The following TECR variants were observed in gnomAD, a reference collection of about 807,000 sequenced individuals.
TECR encodes very-long-chain enoyl-CoA reductase.
TECR carries 19 observed loss-of-function variants against 50.6 expected under a neutral mutation model. That is an observed-to-expected ratio of 0.38 (90% confidence interval 0.26 to 0.55). The LOEUF is 0.55. Ranked by LOEUF, TECR falls within the 20% of genes least tolerant of loss-of-function variation. TECR has a pLI of 0.79. For missense variants in TECR, 313 were observed against 408.3 expected (o/e 0.77, Z 2.01); for synonymous variants, 168 against 163.5 (o/e 1.03, Z -0.21).
At chr19:14,539,570 A>T (rs1049010203) in intron 1 of TECR, among the ~76,000 whole-genome samples, 1 of 151,968 alleles carries the variant, frequency 6.6e-6, no homozygotes, top group Non-Finnish European at 1.5e-5. Flanking sequence ...TTAGTGTGCC[A>T]TGGCTCAGAA....
intron 1 of TECR, among the ~76,000 whole-genome samples, chr19:14,538,536 C>CTT (rs5827232): frequency 7.3e-6 from 1 of 136,768 alleles, no homozygotes; most frequent in South Asian, 2.4e-4. Context: ...TCTTTTTTTT[C>CTT]TTTTTTTTTT....
At chr19:14,557,764 C>CT (rs761705626) in intron 1 of TECR, among the ~76,000 whole-genome samples, 339 of 137,886 alleles carry the variant, frequency 2.5e-3, no homozygotes, top group Non-Finnish European at 4.0e-3. Flanking sequence ...CATATTTATT[C>CT]TTTTTTTTTG....
At chr19:14,544,945 T>C (rs2073249291) in intron 1 of TECR, among the ~76,000 whole-genome samples, 1 of 152,118 alleles carries the variant, frequency 6.6e-6, no homozygotes, top group Non-Finnish European at 1.5e-5. Context: ...TGGCTTGTTT[T>C]GAACCATTGA....
At position 14,564,290 on chromosome 19, in the gene TECR, G is replaced by T. The variant is rs1441271648; in HGVS notation, c.489+3G>T. 3 of 1,600,980 alleles carry T rather than the reference G, an allele frequency of 1.9e-6. No individual in the cohort carries two copies. Among genetic ancestry groups the T allele is most frequent in the Middle Eastern group, 3.3e-4 (2 of 6,044 alleles). Reference sequence around the variant, plus strand: ...TGCCTTTGCGCAACATCTTCAAGGTGAGAGCCCGTCCCCGCCTCACCCCTA... The same window carrying T: ...TGCCTTTGCGCAACATCTTCAAGGTTAGAGCCCGTCCCCGCCTCACCCCTA... On this transcript the variant is annotated splice_donor_region_variant and intron_variant, in intron 7 of 12. Coordinates refer to ENST00000215567, the MANE Select transcript of TECR (RefSeq NM_138501.6).
chr19:14,562,746 G>T (rs2073940442), intron 2 of TECR, among the ~76,000 whole-genome samples, 171 bp downstream of exon 2: 1 of 152,162 alleles, frequency 6.6e-6, no homozygotes, highest in Non-Finnish European at 1.5e-5. Context: ...GGTGTGGCGG[G>T]GAAATGGAGG....
chr19:14,533,645 C>T (rs192583341), intron 1 of TECR, among the ~76,000 whole-genome samples: 14 of 152,188 alleles, frequency 9.2e-5, no homozygotes, highest in African/African-American at 3.4e-4. Context: ...AGTTGGGATC[C>T]CAGCAGTAGT....
At chr19:14,562,317 T>A in intron 1 of TECR, 1 of 652,170 alleles carries the variant, frequency 1.5e-6, no homozygotes, top group Non-Finnish European at 2.8e-6. Context: ...GGGAGGTCGG[T>A]GGTGGGGGCT....
At chr19:14,545,194 C>A (rs1353302184) in intron 1 of TECR, 1 of 456,638 alleles carries the variant, frequency 2.2e-6, no homozygotes. Flanking sequence ...AAACCTAAAG[C>A]ACTTGTCTTG....
chr19:14,539,042 C>T (rs1467812687), intron 1 of TECR, among the ~76,000 whole-genome samples: 3 of 148,138 alleles, frequency 2.0e-5, no homozygotes, highest in Admixed American at 6.8e-5. Context: ...GGCTCCATCT[C>T]GGCTCACTGC....
chr19:14,541,500 T>C (rs1404716101), intron 1 of TECR, among the ~76,000 whole-genome samples: 1 of 152,226 alleles, frequency 6.6e-6, no homozygotes, highest in African/African-American at 2.4e-5. Context: ...CCATCACTTA[T>C]TCATTAGTTC....
intron 1 of TECR, among the ~76,000 whole-genome samples, chr19:14,560,248 C>T (rs1410753168): frequency 1.3e-5 from 2 of 152,220 alleles, no homozygotes; most frequent in African/African-American, 4.8e-5. Flanking sequence ...TCACCCCTCC[C>T]ACTAGCAGCT....
At chr19:14,556,413 A>ACAAAAACAAAAAC (rs1555735955) in intron 1 of TECR, among the ~76,000 whole-genome samples, 1 of 86,514 alleles carries the variant, frequency 1.2e-5, no homozygotes, top group African/African-American at 3.1e-5. Context: ...TCTCTCAAAA[A>ACAAAAACAAAAAC]AAAAACAAAA....
intron 7 of TECR, 86 bp from the exon 8 acceptor site, chr19:14,564,700 T>C: frequency 7.3e-7 from 1 of 1,377,794 alleles, no homozygotes. Context: ...CCCACCATGC[T>C]CCCAGGCCCC....
chr19:14,534,467 GCT>G (rs757654380), intron 1 of TECR, among the ~76,000 whole-genome samples: 1 of 105,474 alleles, frequency 9.5e-6, no homozygotes. Flanking sequence ...ACAGAGTCTC[GCT>G]CTGTCACCCA....
At chr19:14,553,903 C>T (rs1027766268) in intron 1 of TECR, among the ~76,000 whole-genome samples, 4 of 152,148 alleles carry the variant, frequency 2.6e-5, no homozygotes, top group African/African-American at 9.6e-5. Context: ...TTACCTGGGG[C>T]CCTGGTTGCA....
intron 1 of TECR, among the ~76,000 whole-genome samples, chr19:14,561,169 G>T (rs2073890256): frequency 6.6e-6 from 1 of 152,180 alleles, no homozygotes; most frequent in Admixed American, 6.5e-5. Context: ...CCGTGGCCCG[G>T]TCTCCCTGGG....
intron 1 of TECR, among the ~76,000 whole-genome samples, chr19:14,542,989 CTTTTTTT>C (rs572624462): frequency 9.8e-6 from 1 of 102,242 alleles, no homozygotes; most frequent in Non-Finnish European, 2.0e-5. Flanking sequence ...CTTCCAAATT[CTTTTTTT>C]TTTTTTTTTC....
chr19:14,564,655 TC>T, intron 7 of TECR, 130 bp from the exon 8 acceptor site: 1 of 675,828 alleles, frequency 1.5e-6, no homozygotes, highest in Non-Finnish European at 2.4e-6. Context: ...CCGCCTATCC[TC>T]CCCAGCCCCG....
chr19:14,539,804 C>G (rs1330264477), intron 1 of TECR, among the ~76,000 whole-genome samples: 5 of 152,062 alleles, frequency 3.3e-5, no homozygotes, highest in African/African-American at 1.2e-4. Context: ...AATCTAAAGT[C>G]CAACCCCTTG....
Sources: allele counts gnomAD v4.1 joint callset (sites outside exome capture counted in the v4.1 genomes callset), GRCh38; gene constraint gnomAD v4.1.1; transcripts MANE v1.5; gene names NCBI Gene and HGNC (gene_info 2026-07-23, HGNC 2026-07-21).